CCDC18: variants seen among roughly 807,000 people sequenced by gnomAD.
CCDC18 encodes the protein coiled-coil domain-containing protein 18.
A neutral mutation model predicts 196.0 loss-of-function variants in CCDC18; 157 were observed. That is an observed-to-expected ratio of 0.80 (90% CI 0.70 to 0.91). The LOEUF is 0.91. Among genes scored for constraint, CCDC18 ranks in the 40% least tolerant of loss-of-function variants. The pLI is 0.00. For missense variants in CCDC18, 1,465 were observed against 1,611.6 expected, an observed-to-expected ratio of 0.91 and a Z score of 1.56; for synonymous variants, 482 against 529.2, an observed-to-expected ratio of 0.91 and a Z score of 1.22.
chr1:93,249,587 T>C (rs962733536), intron 23 of CCDC18, among the ~76,000 whole-genome samples: 1 of 152,198 alleles, frequency 6.6e-6, no homozygotes, highest in Non-Finnish European at 1.5e-5. Context: ...CCCACTATGT[T>C]GCTCAGGCTC....
intron 16 of CCDC18, among the ~76,000 whole-genome samples, chr1:93,222,171 T>G (rs1657533955): frequency 6.6e-6 from 1 of 152,108 alleles, no homozygotes; most frequent in South Asian, 2.1e-4. Flanking sequence ...TGTGGCTTTT[T>G]TACTTTTCTC....
intron 6 of CCDC18, among the ~76,000 whole-genome samples, chr1:93,199,014 C>G (rs1278986504): frequency 6.6e-6 from 1 of 152,160 alleles, no homozygotes; most frequent in East Asian, 1.9e-4. Context: ...AGACACAGGA[C>G]TGACATGGAG....
chr1:93,245,177 G>A (rs1005114793), intron 21 of CCDC18, among the ~76,000 whole-genome samples: 11 of 152,118 alleles, frequency 7.2e-5, no homozygotes, highest in Non-Finnish European at 1.6e-4. Context: ...ATAAATAAGT[G>A]AATGAAAACA....
chr1:93,278,405 A>ATGATTCC (rs1665751168), intron 28 of CCDC18, 58 bp from the exon 29 acceptor site: 2 of 707,728 alleles, frequency 2.8e-6, no homozygotes, highest in Non-Finnish European at 4.4e-6. Context: ...TAGACTTTTA[A>ATGATTCC]TGCTAAATCA....
At chr1:93,239,954 A>G (rs1391715933) in intron 21 of CCDC18, 58 bp downstream of exon 21, 1 of 1,190,088 alleles carries the variant, frequency 8.4e-7, no homozygotes, top group Non-Finnish European at 1.2e-6. Flanking sequence ...AATACAATAA[A>G]ATATGTTGTT....
In CCDC18 at chr1:93,256,486, T is replaced by C. The variant is rs200168624; in HGVS notation, c.3494T>C (p.Ile1165Thr). 3.2e-5 allele frequency: 51 copies of C among 1,613,872 alleles called. No individual in the cohort carries two copies. The highest frequency in any genetic ancestry group is 9.3e-5 in the African/African-American group (7 of 74,886). Residue 1165 changes from isoleucine (I) to threonine (T), a missense_variant, in exon 25 of 29, where the codon ATA becomes ACA. Coordinates refer to ENST00000690025, the MANE Select transcript of CCDC18 (RefSeq NM_001378204.1). The stretch of plus-strand genomic sequence containing the variant: ...CAGCAAGTCCAAGCACAGAGAGAAA[T>C]AGAAAGGCTCTCTAGTGAACTGGAG... ...RHQQVQAQRE[I>T]ERLSSELEDM...
chr1:93,197,041 A>G (rs1324958530), intron 6 of CCDC18, among the ~76,000 whole-genome samples: 1 of 152,218 alleles, frequency 6.6e-6, no homozygotes, highest in Non-Finnish European at 1.5e-5. Context: ...CTTAGAGGAA[A>G]AAATTTAACC....
chr1:93,199,448 G>GGT (rs773761060), intron 6 of CCDC18, among the ~76,000 whole-genome samples: 14,385 of 152,232 alleles, frequency 0.094, 924 homozygotes, highest in East Asian at 0.28. Flanking sequence ...GAAGCTTGGA[G>GGT]ACACCAGGAA....
chr1:93,220,808 A>G (rs1557646967), intron 14 of CCDC18, among the ~76,000 whole-genome samples: 1 of 152,012 alleles, frequency 6.6e-6, no homozygotes, highest in Non-Finnish European at 1.5e-5. Context: ...AGGCCTCAGT[A>G]TGTGTTGTTC....
chr1:93,242,267 C>G (rs1204993590), intron 21 of CCDC18, among the ~76,000 whole-genome samples: 1 of 152,166 alleles, frequency 6.6e-6, no homozygotes, highest in Admixed American at 6.5e-5. Flanking sequence ...CACAGTTCCA[C>G]GTGGCTGGGG....
Position 93,246,190 on chromosome 1 carries a change from C to T in CCDC18, c.3067C>T (p.Gln1023Ter), listed in dbSNP as rs753789727. The T allele has an allele frequency of 3.7e-6, 6 of 1,602,466 alleles. 1 individual carries two copies. In the South Asian group the frequency reaches 6.7e-5, roughly 18 times the overall value. The change falls in exon 22 of 29, where the codon CAA (glutamine) becomes TAA (stop). Residue 1023 changes from glutamine to a stop codon, truncating the protein, a stop_gained. Coordinates refer to ENST00000690025, the MANE Select transcript of CCDC18 (RefSeq NM_001378204.1). LOFTEE classifies it high-confidence loss of function. ...TAAAGAGAGAAATTGGGAACTAAAGCAAAGAGCAGCTCAGGTTGATTTTTC... is the reference window on the plus strand; with the variant it reads ...TAAAGAGAGAAATTGGGAACTAAAGTAAAGAGCAGCTCAGGTTGATTTTTC... The part of the protein sequence containing the change: ...ALKERNWELK[Q>*]RAAQVTHLDM...
intron 6 of CCDC18, among the ~76,000 whole-genome samples, chr1:93,199,213 C>T (rs1418039322): frequency 6.6e-6 from 1 of 152,234 alleles, no homozygotes; most frequent in Non-Finnish European, 1.5e-5. Flanking sequence ...GCTCGTGCTA[C>T]CACCCTGGAT....
chr1:93,197,926 T>C (rs2101759941), intron 6 of CCDC18, among the ~76,000 whole-genome samples: 1 of 152,016 alleles, frequency 6.6e-6, no homozygotes, highest in South Asian at 2.1e-4. Context: ...TAATTTTTTG[T>C]ATTTTTAGTA....
chr1:93,200,315 A>G (rs893435759), intron 6 of CCDC18, among the ~76,000 whole-genome samples: 9 of 147,572 alleles, frequency 6.1e-5, no homozygotes, highest in Non-Finnish European at 1.2e-4. Flanking sequence ...AAAACATGGT[A>G]AGACTATAGG....
In CCDC18 at chr1:93,278,627, CTTAA is replaced by C. The variant is rs1570678874; in HGVS notation, c.*154_*157del. 29 of 356,830 alleles carry C rather than the reference CTTAA, an allele frequency of 8.1e-5. No individual in the cohort carries two copies. In the East Asian group the frequency reaches 1.1e-3, roughly 14 times the overall value. The allele number at this position is 356,830 out of a possible 1,614,324, so 22.1% of individuals were successfully genotyped here. On this transcript the variant is annotated 3_prime_UTR_variant, in exon 29 of 29. Coordinates refer to ENST00000690025, the MANE Select transcript of CCDC18 (RefSeq NM_001378204.1). ...ATTTTAAAAGAAAGCCCTTCTAAAA[CTTAA>C]TTATATTTTTAAAGAAAATTTATTA... is the stretch of plus-strand genomic sequence containing the variant.
chr1:93,190,664 G>A (rs568944835), intron 4 of CCDC18: 24 of 383,158 alleles, frequency 6.3e-5, no homozygotes, highest in African/African-American at 5.1e-4. Flanking sequence ...AGTATGAGAT[G>A]TTTTTCTTTC....
intron 11 of CCDC18, among the ~76,000 whole-genome samples, chr1:93,213,313 T>G (rs1164633368): frequency 6.6e-6 from 1 of 152,138 alleles, no homozygotes; most frequent in African/African-American, 2.4e-5. Flanking sequence ...TTTTAATGTT[T>G]AACTCTTGTT....
intron 23 of CCDC18, among the ~76,000 whole-genome samples, chr1:93,249,421 A>G (rs1004161685): frequency 6.6e-6 from 1 of 152,008 alleles, no homozygotes; most frequent in African/African-American, 2.4e-5. Context: ...TGTTTCATTT[A>G]TCCTCTGTAT....
chr1:93,233,660 G>A (rs533988138), intron 18 of CCDC18, among the ~76,000 whole-genome samples: 4 of 152,050 alleles, frequency 2.6e-5, no homozygotes, highest in South Asian at 2.1e-4. Context: ...GTGCAATGGC[G>A]CGATCTCAGC....
Sources: allele counts gnomAD v4.1 joint callset (sites outside exome capture counted in the v4.1 genomes callset), GRCh38; gene constraint gnomAD v4.1.1; transcripts MANE v1.5; gene names NCBI Gene and HGNC (gene_info 2026-07-23, HGNC 2026-07-21).